The following FAM13C variants were observed in gnomAD, a reference collection of about 807,000 sequenced individuals.
FAM13C encodes family with sequence similarity 13 member C, also known as protein FAM13C.
Under a neutral mutation model 73.2 loss-of-function variants are expected in FAM13C, and 37 were observed. That is an observed-to-expected ratio of 0.51 (90% CI 0.39 to 0.67). The LOEUF is 0.67. Among genes scored for constraint, FAM13C ranks in the 30% least tolerant of loss-of-function variants. The pLI, the probability that FAM13C is intolerant of heterozygous loss-of-function variation, is 0.00. For missense variants in FAM13C, 589 were observed against 715.6 expected, an observed-to-expected ratio of 0.82 and a Z score of 2.02; for synonymous variants, 246 against 260.9, an observed-to-expected ratio of 0.94 and a Z score of 0.55.
At chr10:59,354,799 T>G (rs1855505443) in intron 2 of FAM13C, among the ~76,000 whole-genome samples, 1 of 152,152 alleles carries the variant, frequency 6.6e-6, no homozygotes, top group Admixed American at 6.5e-5. Flanking sequence ...GAAAATCTGT[T>G]CTTTGTTTAC....
Position 59,246,684 on chromosome 10 carries a change from T to C in FAM13C, c.*930A>G, listed in dbSNP as rs1267657463. 7.5e-6 allele frequency: 3 copies of C among 397,454 alleles called. No homozygotes were observed. Among genetic ancestry groups the C allele is most frequent in the Non-Finnish European group, 1.3e-5 (3 of 225,302 alleles). The allele number at this position is 397,454 out of a possible 1,614,324, so 24.6% of individuals were successfully genotyped here. A position where few individuals can be genotyped will look rare whatever the true frequency, so the allele number is the denominator to read the frequency against. On this transcript the variant is annotated 3_prime_UTR_variant, in exon 14 of 14. Transcript: ENST00000618804. ...CAAACAATTTCCAAACTTTTCATTT[T>C]GTACAGAAGGATGAATAACTACAGC...
At chr10:59,251,511 G>T in intron 13 of FAM13C, 64 bp downstream of exon 13, 1 of 1,425,298 alleles carries the variant, frequency 7.0e-7, no homozygotes, top group Non-Finnish European at 9.9e-7. Flanking sequence ...AAAAATTGCA[G>T]CTCATTTTTA....
At chr10:59,329,342 GTTTTTTTTTTTTTTTTTTTTTT>G (rs71006247) in intron 3 of FAM13C, among the ~76,000 whole-genome samples, 2 of 77,300 alleles carry the variant, frequency 2.6e-5, no homozygotes, top group Non-Finnish European at 5.0e-5. Context: ...TTTCTTTCTG[GTTTTTTTTTTTTTTTTTTTTTT>G]TTTTTTTTTT....
chr10:59,289,181 G>A (rs1387428366), intron 5 of FAM13C, among the ~76,000 whole-genome samples: 1 of 152,160 alleles, frequency 6.6e-6, no homozygotes, highest in Admixed American at 6.6e-5. Flanking sequence ...TCACAATAGG[G>A]TGCATGCTCC....
intron 3 of FAM13C, among the ~76,000 whole-genome samples, chr10:59,337,817 T>C (rs1387307279): frequency 6.6e-6 from 1 of 151,714 alleles, no homozygotes; most frequent in Non-Finnish European, 1.5e-5. Flanking sequence ...GTAGCTGGGA[T>C]TACAGGCACC....
chr10:59,264,262 A>T, intron 8 of FAM13C, 96 bp from the exon 9 acceptor site: 1 of 799,566 alleles, frequency 1.3e-6, no homozygotes, highest in East Asian at 2.5e-5. Flanking sequence ...TTTTAAACAG[A>T]TGAGCTACAC....
chr10:59,336,424 A>G (rs1589667613), intron 3 of FAM13C, among the ~76,000 whole-genome samples: 1 of 152,282 alleles, frequency 6.6e-6, no homozygotes, highest in East Asian at 1.9e-4. Context: ...CATGCACTCA[A>G]CAATGGGCAC....
At chr10:59,347,251 C>T (rs1002783317) in intron 3 of FAM13C, among the ~76,000 whole-genome samples, 4 of 152,064 alleles carry the variant, frequency 2.6e-5, no homozygotes, top group Admixed American at 6.5e-5. Context: ...TCCATTTTTT[C>T]ACTCAAAGTT....
Position 59,262,664 on chromosome 10 carries a change from G to A in FAM13C, c.1025-19C>T. 1.9e-6 allele frequency: 3 copies of A among 1,600,266 alleles called. No individual in the cohort carries two copies. Among genetic ancestry groups the A allele is most frequent in the Non-Finnish European group, 2.6e-6 (3 of 1,169,084 alleles). Reference sequence around the variant, plus strand: ...TTTAGTTCTAAGAGAAATGCTATGAGTTATCATAAGCAAAGAGAACCCACT... The same window carrying A: ...TTTAGTTCTAAGAGAAATGCTATGAATTATCATAAGCAAAGAGAACCCACT... On this transcript the variant is annotated intron_variant, in intron 9 of 13. Coordinates refer to ENST00000618804, the MANE Select transcript of FAM13C (RefSeq NM_198215.4).
intron 1 of FAM13C, among the ~76,000 whole-genome samples, chr10:59,358,540 T>A (rs1022371858): frequency 6.6e-6 from 1 of 152,206 alleles, no homozygotes; most frequent in Non-Finnish European, 1.5e-5. Context: ...GTAATGTGGA[T>A]AAAAATGTTT....
chr10:59,337,190 A>C (rs1852830062), intron 3 of FAM13C, among the ~76,000 whole-genome samples: 1 of 152,218 alleles, frequency 6.6e-6, no homozygotes, highest in South Asian at 2.1e-4. Context: ...CTGAACAAAA[A>C]ACTGAATTCA....
chr10:59,296,416 T>A (rs530537402), intron 5 of FAM13C, among the ~76,000 whole-genome samples: 13 of 152,330 alleles, frequency 8.5e-5, no homozygotes, highest in Admixed American at 2.6e-4. Context: ...GAGGCTAAAG[T>A]TTAGTTATTA....
At chr10:59,311,817 C>T (rs1050436020) in intron 4 of FAM13C, among the ~76,000 whole-genome samples, 1 of 152,150 alleles carries the variant, frequency 6.6e-6, no homozygotes, top group Non-Finnish European at 1.5e-5. Context: ...TACACAGTTC[C>T]TCAGAGAGAC....
intron 8 of FAM13C, among the ~76,000 whole-genome samples, chr10:59,264,370 A>G (rs1168908900): frequency 6.6e-6 from 1 of 152,168 alleles, no homozygotes; most frequent in Admixed American, 6.5e-5. Flanking sequence ...GAAACAGTAA[A>G]TATTCTTGAC....
intron 6 of FAM13C, chr10:59,282,250 A>G (rs1269353774): frequency 6.6e-6 from 1 of 152,206 alleles, no homozygotes; most frequent in Non-Finnish European, 1.5e-5. Context: ...AAGTGCTTAG[A>G]ACAGTGCCAG....
intron 8 of FAM13C, 29 bp from the exon 9 acceptor site, chr10:59,264,195 G>A: frequency 3.0e-6 from 4 of 1,318,500 alleles, no homozygotes; most frequent in Non-Finnish European, 4.3e-6. Flanking sequence ...AATGGGGGTG[G>A]AAGGGAGGGA....
intron 1 of FAM13C, among the ~76,000 whole-genome samples, chr10:59,357,874 CA>C (rs1855912232): frequency 6.6e-6 from 1 of 152,134 alleles, no homozygotes; most frequent in Admixed American, 6.5e-5. Flanking sequence ...TGCCTGCATA[CA>C]TAAATATAAC....
At chr10:59,344,245 AG>A (rs1226005082) in intron 3 of FAM13C, among the ~76,000 whole-genome samples, 1 of 147,432 alleles carries the variant, frequency 6.8e-6, no homozygotes, top group African/African-American at 2.5e-5. Flanking sequence ...TACAGGCATG[AG>A]CCGCCGCGCC....
intron 3 of FAM13C, among the ~76,000 whole-genome samples, chr10:59,331,709 G>A (rs1463841381): frequency 6.6e-6 from 1 of 152,164 alleles, no homozygotes; most frequent in Non-Finnish European, 1.5e-5. Context: ...AGAGATGACT[G>A]TCACTTGGAT....
Sources: allele counts gnomAD v4.1 joint callset (sites outside exome capture counted in the v4.1 genomes callset), GRCh38; gene constraint gnomAD v4.1.1; transcripts MANE v1.5; gene names NCBI Gene and HGNC (gene_info 2026-07-23, HGNC 2026-07-21).